KLHL14: variants seen among roughly 807,000 people sequenced by gnomAD.
KLHL14 encodes kelch like family member 14, also known as kelch-like protein 14.
In KLHL14, 22 loss-of-function variants were observed where a neutral mutation model predicts 64.3. That is an observed-to-expected ratio of 0.34 (90% confidence interval 0.24 to 0.49). KLHL14 has a LOEUF of 0.49. KLHL14 is among the 20% of genes least tolerant of loss of function. The pLI, the probability that KLHL14 is intolerant of heterozygous loss-of-function variation, is 0.99. For missense variants in KLHL14, 661 were observed against 789.0 expected, an observed-to-expected ratio of 0.84 and a Z score of 1.94; for synonymous variants, 322 against 333.4, an observed-to-expected ratio of 0.97 and a Z score of 0.37.
chr18:32,752,595 C>A (rs1269668031), intron 2 of KLHL14, among the ~76,000 whole-genome samples: 1 of 152,110 alleles, frequency 6.6e-6, no homozygotes, highest in Non-Finnish European at 1.5e-5. Context: ...AGAATAGGAG[C>A]CTACCATGAT....
intron 3 of KLHL14, among the ~76,000 whole-genome samples, chr18:32,723,622 C>T (rs1257264447): frequency 6.6e-6 from 1 of 152,142 alleles, no homozygotes; most frequent in East Asian, 1.9e-4. Context: ...AAATTACATA[C>T]TCAGAGTAAC....
intron 2 of KLHL14, among the ~76,000 whole-genome samples, chr18:32,753,412 T>A (rs896726960): frequency 2.1e-5 from 3 of 140,158 alleles, no homozygotes; most frequent in African/African-American, 7.9e-5. Context: ...ATCCCGCCCC[T>A]TCACTTCTCA....
intron 3 of KLHL14, among the ~76,000 whole-genome samples, chr18:32,719,596 G>A (rs1011716139): frequency 2.6e-5 from 4 of 152,170 alleles, no homozygotes; most frequent in African/African-American, 9.7e-5. Flanking sequence ...GATAGCTAGG[G>A]TTGCTTAAGC....
intron 1 of KLHL14, chr18:32,771,901 G>A (rs1416606601): frequency 6.1e-6 from 1 of 163,172 alleles, no homozygotes; most frequent in South Asian, 1.8e-4. Flanking sequence ...AGAGCCCCCA[G>A]CGGCCCCCCA....
intron 2 of KLHL14, among the ~76,000 whole-genome samples, chr18:32,747,850 A>G (rs1433958526): frequency 6.6e-6 from 1 of 152,052 alleles, no homozygotes; most frequent in East Asian, 1.9e-4. Context: ...TTCCTATCCT[A>G]TATTTCTTCT....
chr18:32,734,026 A>C, intron 3 of KLHL14: 1 of 625,856 alleles, frequency 1.6e-6, no homozygotes, highest in Non-Finnish European at 2.9e-6. Flanking sequence ...TCTCACCCAG[A>C]GGTCCTCCAC....
At chr18:32,733,864 C>T (rs762242861) in intron 3 of KLHL14, 6 of 325,608 alleles carry the variant, frequency 1.8e-5, no homozygotes, top group East Asian at 5.4e-5. Context: ...TAAATTGCTA[C>T]GGTCTTTCCA....
intron 2 of KLHL14, among the ~76,000 whole-genome samples, chr18:32,768,064 A>G (rs1038290439): frequency 6.6e-6 from 1 of 152,180 alleles, no homozygotes; most frequent in African/African-American, 2.4e-5. Flanking sequence ...TGCCATTTGG[A>G]TCTTTAGACA....
At chr18:32,694,710 G>T (rs1394834794) in intron 4 of KLHL14, among the ~76,000 whole-genome samples, 1 of 152,184 alleles carries the variant, frequency 6.6e-6, no homozygotes, top group Non-Finnish European at 1.5e-5. Flanking sequence ...GGGTTTTAAA[G>T]TAAAAATGTG....
chr18:32,677,311 T>A lies in KLHL14; in HGVS notation c.1608A>T (p.Val536=), dbSNP rs1486013559. ...TTGGGTCATAGCATTCCACAAGCATTACATCAAGGTGGGAGAAACCTAAGT... is the reference window on the plus strand; with the variant it reads ...TTGGGTCATAGCATTCCACAAGCATAACATCAAGGTGGGAGAAACCTAAGT... The part of the protein sequence containing the change: ...NHLKGFSHLD[V]MLVECYDPKG... The change falls in exon 8 of 9, where the codon GTA becomes GTT. Residue 536 remains valine, a synonymous_variant. Coordinates refer to ENST00000359358, the MANE Select transcript of KLHL14 (RefSeq NM_020805.3). The A allele has an allele frequency of 2.5e-6, 4 of 1,612,366 alleles. No homozygotes were observed. The African/African-American group carries it at 5.3e-5, about 22-fold the overall frequency.
intron 3 of KLHL14, among the ~76,000 whole-genome samples, chr18:32,728,623 T>C (rs1357538): frequency 6.6e-6 from 1 of 152,058 alleles, no homozygotes. Flanking sequence ...CATACTGGAT[T>C]AGGGTAGGCC....
intron 3 of KLHL14, among the ~76,000 whole-genome samples, chr18:32,711,350 A>G (rs959049805): frequency 7.9e-5 from 12 of 152,170 alleles, no homozygotes; most frequent in African/African-American, 2.7e-4. Context: ...TAAAAAGAGG[A>G]AGAAAAGGAG....
At chr18:32,759,791 T>G (rs2050304486) in intron 2 of KLHL14, among the ~76,000 whole-genome samples, 1 of 151,998 alleles carries the variant, frequency 6.6e-6, no homozygotes, top group South Asian at 2.1e-4. Context: ...CCACTGACAA[T>G]GGTGGTACAG....
intron 4 of KLHL14, among the ~76,000 whole-genome samples, chr18:32,693,377 T>TACACACACACACACACACAC (rs869067364): frequency 2.1e-5 from 2 of 96,658 alleles, no homozygotes; most frequent in African/African-American, 1.1e-4. Flanking sequence ...AAAGGGATCT[T>TACACACACACACACACACAC]ACACACACAC....
At chr18:32,723,867 T>C (rs1180018379) in intron 3 of KLHL14, among the ~76,000 whole-genome samples, 1 of 152,184 alleles carries the variant, frequency 6.6e-6, no homozygotes, top group Non-Finnish European at 1.5e-5. Context: ...TGTTTCCTGT[T>C]GGAACCCTAT....
intron 2 of KLHL14, chr18:32,743,572 AG>A (rs2050209822): frequency 6.6e-6 from 1 of 152,248 alleles, no homozygotes; most frequent in Non-Finnish European, 1.5e-5. Flanking sequence ...GGCAGCTTGC[AG>A]TGTTAATTTT....
At chr18:32,723,286 G>T (rs1019506852) in intron 3 of KLHL14, among the ~76,000 whole-genome samples, 2 of 152,170 alleles carry the variant, frequency 1.3e-5, no homozygotes, top group Admixed American at 6.6e-5. Context: ...TTCATAGATA[G>T]TGAATCCAAG....
At chr18:32,703,553 C>G (rs768206715) in intron 3 of KLHL14, among the ~76,000 whole-genome samples, 12 of 152,110 alleles carry the variant, frequency 7.9e-5, no homozygotes, top group Non-Finnish European at 1.3e-4. Context: ...TATGATAACA[C>G]CTAATTGTGC....
At chr18:32,707,302 T>C (rs753771514) in intron 3 of KLHL14, among the ~76,000 whole-genome samples, 1 of 152,202 alleles carries the variant, frequency 6.6e-6, no homozygotes, top group East Asian at 1.9e-4. Flanking sequence ...TCTAGCTGTA[T>C]CCATGGTGAA....
Sources: gnomAD v4.1 joint callset for allele counts (sites outside exome capture counted in the v4.1 genomes callset) on GRCh38, gnomAD v4.1.1 for gene constraint, MANE v1.5 for transcripts, NCBI Gene and HGNC (gene_info 2026-07-23, HGNC 2026-07-21) for gene names.